Variants in SMARCA2 observed in about 807,000 individuals in gnomAD.
SMARCA2 encodes SWI/SNF-related matrix-associated actin-dependent regulator of chromatin subfamily A member 2.
In SMARCA2, 61 loss-of-function variants were observed where a neutral mutation model predicts 199.8. That is an observed-to-expected ratio of 0.31 (90% CI 0.25 to 0.38). The LOEUF (loss-of-function observed/expected upper bound fraction) is 0.38. Among genes scored for constraint, SMARCA2 ranks in the 10% least tolerant of loss-of-function variants. SMARCA2 has a pLI of 1.00. For synonymous variants in SMARCA2, 935 were observed against 732.0 expected, an observed-to-expected ratio of 1.28 and a Z score of -4.48; for missense variants, 1,344 against 2,012.2, an observed-to-expected ratio of 0.67 and a Z score of 6.35.
intron 9 of SMARCA2, among the ~76,000 whole-genome samples, chr9:2,063,745 T>TC (rs1820703217): frequency 6.6e-6 from 1 of 151,428 alleles, no homozygotes; most frequent in African/African-American, 2.4e-5. Flanking sequence ...GTACAATTTT[T>TC]TTTTTTTAAT....
intron 24 of SMARCA2, among the ~76,000 whole-genome samples, chr9:2,114,027 G>A (rs940316706): frequency 1.3e-5 from 2 of 152,088 alleles, no homozygotes; most frequent in Admixed American, 6.5e-5. Flanking sequence ...TTACTATTGC[G>A]CCCATTTTAG....
At chr9:2,159,198 T>C (rs1285173986) in intron 27 of SMARCA2, among the ~76,000 whole-genome samples, 1 of 152,194 alleles carries the variant, frequency 6.6e-6, no homozygotes, top group African/African-American at 2.4e-5. Flanking sequence ...AGAGTAGAAA[T>C]ATCCTTTTTA....
At chr9:2,162,986 T>C (rs182905403) in intron 28 of SMARCA2, 4 of 152,378 alleles carry the variant, frequency 2.6e-5, no homozygotes, top group African/African-American at 9.6e-5. Flanking sequence ...TTAACTAGTG[T>C]TGCTCTGTGC....
chr9:2,143,140 A>C (rs1336550636), intron 27 of SMARCA2, among the ~76,000 whole-genome samples: 1 of 152,204 alleles, frequency 6.6e-6, no homozygotes, highest in Non-Finnish European at 1.5e-5. Context: ...TATAAAAGAA[A>C]TGGTATTTTA....
At chr9:2,189,113 G>A (rs995526423) in intron 32 of SMARCA2, among the ~76,000 whole-genome samples, 5 of 152,178 alleles carry the variant, frequency 3.3e-5, no homozygotes, top group African/African-American at 1.2e-4. Flanking sequence ...ACAATTAACA[G>A]TCTAAAATTC....
intron 27 of SMARCA2, among the ~76,000 whole-genome samples, chr9:2,131,873 A>G (rs958416858): frequency 1.3e-5 from 2 of 150,654 alleles, no homozygotes; most frequent in African/African-American, 4.9e-5. Flanking sequence ...CTGGAGGTGG[A>G]GCCCGCAGTG....
chr9:2,189,568 CTATT>C (rs1053919837), intron 32 of SMARCA2, among the ~76,000 whole-genome samples: 2 of 152,138 alleles, frequency 1.3e-5, no homozygotes, highest in African/African-American at 4.8e-5. Context: ...CTTCTTTCAT[CTATT>C]TCTTTCGACG....
At chr9:2,156,859 A>G (rs1428406608) in intron 27 of SMARCA2, among the ~76,000 whole-genome samples, 2 of 152,162 alleles carry the variant, frequency 1.3e-5, no homozygotes, top group Non-Finnish European at 1.5e-5. Flanking sequence ...CTCATTAAGC[A>G]CTAACTCCCC....
chr9:2,099,504 G>C (rs967178474), intron 21 of SMARCA2, among the ~76,000 whole-genome samples: 3 of 152,146 alleles, frequency 2.0e-5, no homozygotes, highest in African/African-American at 7.2e-5. Context: ...CAGTTTGGAG[G>C]GTGGGAAAGG....
chr9:2,096,644 C>T lies in SMARCA2; in HGVS notation c.2884-13C>T. The stretch of plus-strand genomic sequence containing the variant: ...TTCCTGCTCTTGCCTACTTACTGTT[C>T]TCTTTTCTGCAGGTGGAATATGTGA... On this transcript the variant is annotated splice_polypyrimidine_tract_variant and intron_variant, in intron 19 of 33. Transcript: ENST00000349721. 3.2e-6 allele frequency: 5 copies of T among 1,584,336 alleles called. No homozygotes were observed. Among genetic ancestry groups the T allele is most frequent in the Non-Finnish European group, 3.5e-6 (4 of 1,152,944 alleles).
chr9:2,034,622 C>T (rs1819238387), intron 3 of SMARCA2, among the ~76,000 whole-genome samples: 1 of 152,126 alleles, frequency 6.6e-6, no homozygotes, highest in Non-Finnish European at 1.5e-5. Context: ...GTGTGTGTTT[C>T]CTCTATCCAT....
chr9:2,017,851 C>T lies in SMARCA2; in HGVS notation c.-37+2447C>T, dbSNP rs1296426984. 1 of 152,312 alleles carries T rather than the reference C, an allele frequency of 6.6e-6. No homozygotes were observed. Among genetic ancestry groups the T allele is most frequent in the African/African-American group, 2.4e-5 (1 of 41,468 alleles). The allele number at this position is 152,312 out of a possible 1,614,324, so 9.4% of individuals were successfully genotyped here. ...CGGCTGTGTGCGGAGCTTTCCAGTT[C>T]TTTCCCTGCCAGCCCCCTCCGGTCT... is the stretch of plus-strand genomic sequence containing the variant. On this transcript the variant is annotated intron_variant, in intron 1 of 33. Transcript: ENST00000349721. The surrounding 1 kb of genome is among the most constrained non-coding windows in gnomAD (Gnocchi z 8.8).
In SMARCA2 at chr9:2,028,945, A is replaced by G. The variant is rs577231492; in HGVS notation, c.-36-42A>G. 28 of 1,455,434 alleles carry G rather than the reference A, an allele frequency of 1.9e-5. No homozygotes were observed. The East Asian group carries it at 6.2e-4, about 32-fold the overall frequency. 90.2% of individuals were successfully genotyped at this position (1,455,434 alleles called of 1,614,324 possible). On this transcript the variant is annotated intron_variant, in intron 1 of 33. Coordinates refer to ENST00000349721, the MANE Select transcript of SMARCA2 (RefSeq NM_003070.5). ...ATTGTTTTATTCTGGTCTTAACATCATGTTTAAAACATGCCTTCCTTTTTT... is the reference window on the plus strand; with the variant it reads ...ATTGTTTTATTCTGGTCTTAACATCGTGTTTAAAACATGCCTTCCTTTTTT...
At chr9:2,137,142 A>G (rs2130671760) in intron 27 of SMARCA2, among the ~76,000 whole-genome samples, 1 of 152,324 alleles carries the variant, frequency 6.6e-6, no homozygotes, top group South Asian at 2.1e-4. Context: ...CACCTTTGAG[A>G]AAAGAAAGAT....
At position 2,161,540 on chromosome 9, in the gene SMARCA2, ACTG is replaced by A; in HGVS notation, c.3982-145_3982-143del. 1 of 611,572 alleles carries A rather than the reference ACTG, an allele frequency of 1.6e-6. No individual in the cohort carries two copies. Among genetic ancestry groups the A allele is most frequent in the Non-Finnish European group, 2.9e-6 (1 of 347,730 alleles). 37.9% of individuals were successfully genotyped at this position (611,572 alleles called of 1,614,324 possible). ...AGCATTCCTTTTTTCTTCTTCCTCC[ACTG>A]ATTACTGTTAACTTTTACTTTTTTT... On this transcript the variant is annotated intron_variant, in intron 27 of 33. Coordinates refer to ENST00000349721, the MANE Select transcript of SMARCA2 (RefSeq NM_003070.5). The surrounding 1 kb of genome is among the most constrained non-coding windows in gnomAD (Gnocchi z 4.7).
At chr9:2,166,176 A>G (rs1478008756) in intron 28 of SMARCA2, among the ~76,000 whole-genome samples, 1 of 152,214 alleles carries the variant, frequency 6.6e-6, no homozygotes, top group African/African-American at 2.4e-5. Flanking sequence ...TCAGGTAGGA[A>G]CACTTCACTT....
At chr9:2,163,589 C>G (rs1279579124) in intron 28 of SMARCA2, among the ~76,000 whole-genome samples, 1 of 152,212 alleles carries the variant, frequency 6.6e-6, no homozygotes, top group African/African-American at 2.4e-5. Context: ...TGGTTTAAAA[C>G]AAAATATTAC....
At chr9:2,185,651 T>TA (rs1328768892) in intron 31 of SMARCA2, among the ~76,000 whole-genome samples, 4 of 152,176 alleles carry the variant, frequency 2.6e-5, no homozygotes, top group Non-Finnish European at 5.9e-5. Context: ...CCATTAAAAA[T>TA]AGAGTGTTGA....
intron 27 of SMARCA2, among the ~76,000 whole-genome samples, chr9:2,155,110 C>A (rs1344360514): frequency 6.6e-6 from 1 of 152,172 alleles, no homozygotes; most frequent in Non-Finnish European, 1.5e-5. Context: ...GTAAATACTT[C>A]ACATTTATAA....
Sources: allele counts gnomAD v4.1 joint callset (sites outside exome capture counted in the v4.1 genomes callset), GRCh38; gene constraint gnomAD v4.1.1; non-coding constraint Gnocchi (gnomAD v3.1); transcripts MANE v1.5; gene names NCBI Gene and HGNC (gene_info 2026-07-23, HGNC 2026-07-21).